The following HMCN1 variants were observed in gnomAD, a reference collection of about 807,000 sequenced individuals.
HMCN1 encodes the protein hemicentin-1.
In HMCN1, 321 loss-of-function variants were observed where a neutral mutation model predicts 625.9. The observed-to-expected ratio is 0.51, with a 90% CI of 0.47 to 0.56. HMCN1 has a LOEUF of 0.56. HMCN1 is among the 20% of genes least tolerant of loss of function. The pLI, the probability that HMCN1 is intolerant of heterozygous loss-of-function variation, is 0.00. For synonymous variants in HMCN1, 2,425 were observed against 2,417.6 expected (o/e 1.00, Z -0.09); for missense variants, 6,588 against 6,887.3 (o/e 0.96, Z 1.54).
In HMCN1 at chr1:186,139,705, A is replaced by G. The variant is rs576440814; in HGVS notation, c.13924+1733A>G. Among the ~76,000 whole-genome samples the G allele has an allele frequency of 1.6e-4, 24 of 152,172 alleles. No homozygotes were observed. The East Asian group carries it at 4.5e-3, about 28-fold the overall frequency. On this transcript the variant is annotated intron_variant, in intron 89 of 106. Coordinates refer to ENST00000271588, the MANE Select transcript of HMCN1 (RefSeq NM_031935.3). Reference sequence around the variant, plus strand: ...GTCGGTGGTGTCCTAGAGCCATTCAATGAAAGCATGTATTTCTTCCCAATA... The same window carrying G: ...GTCGGTGGTGTCCTAGAGCCATTCAGTGAAAGCATGTATTTCTTCCCAATA...
At position 185,740,908 on chromosome 1, in the gene HMCN1, C is replaced by T. The variant is rs558898574; in HGVS notation, c.268+5861C>T. On this transcript the variant is annotated intron_variant, in intron 1 of 106. Coordinates refer to ENST00000271588, the MANE Select transcript of HMCN1 (RefSeq NM_031935.3). ...TCTTGGGAGGCTGAGGCAGTAGAATCGCTCGAACCCTGGAGGTGGAGGTTA... is the reference window on the plus strand; with the variant it reads ...TCTTGGGAGGCTGAGGCAGTAGAATTGCTCGAACCCTGGAGGTGGAGGTTA... Among the ~76,000 whole-genome samples the T allele has an allele frequency of 2.7e-3, 404 of 152,174 alleles. 3 individuals are homozygous for T. The highest frequency in any genetic ancestry group is 9.1e-3 in the African/African-American group (377 of 41,520).
intron 41 of HMCN1, among the ~76,000 whole-genome samples, chr1:186,047,479 TAGTC>T (rs1237930293): frequency 2.0e-4 from 30 of 152,140 alleles, no homozygotes; most frequent in African/African-American, 6.8e-4. Context: ...CAATCCTAAT[TAGTC>T]AGTTAAAAGT....
chr1:186,055,446 C>T lies in HMCN1; in HGVS notation c.6916C>T (p.Arg2306Ter), dbSNP rs750701167. Residue 2306 changes from arginine (R) to a stop codon, truncating the protein, a stop_gained, in exon 45 of 107, where the codon CGA becomes TGA. Coordinates refer to ENST00000271588, the MANE Select transcript of HMCN1 (RefSeq NM_031935.3). LOFTEE classifies it high-confidence loss of function. ...GSHPTEIIVT[R>*]GKSISLECEV... ...CCACCCTACTGAAATTATTGTGACC[C>T]GAGGGAAGAGTATCTCCTTGGAGTG... 9 of 1,612,452 alleles carry T rather than the reference C, an allele frequency of 5.6e-6. No individual in the cohort carries two copies. The highest frequency in any genetic ancestry group is 1.3e-5 in the African/African-American group (1 of 74,754).
intron 11 of HMCN1, among the ~76,000 whole-genome samples, chr1:185,944,867 T>G (rs1244722437): frequency 6.6e-6 from 1 of 152,230 alleles, no homozygotes; most frequent in East Asian, 1.9e-4. Flanking sequence ...GCAGAGTGTT[T>G]AGGCGTAAGA....
chr1:186,150,089 C>T (rs112677910), intron 93 of HMCN1, among the ~76,000 whole-genome samples: 1,841 of 152,032 alleles, frequency 0.012, 31 homozygotes, highest in African/African-American at 0.042. Context: ...AAAATGGTAC[C>T]GGTAGACTTT....
chr1:185,889,623 T>C (rs373120743), intron 4 of HMCN1, among the ~76,000 whole-genome samples: 60 of 138,056 alleles, frequency 4.3e-4, no homozygotes, highest in Non-Finnish European at 7.8e-4. Context: ...TATTGATTTG[T>C]GTATATTGAA....
At chr1:186,079,422 C>T (rs973828734) in intron 55 of HMCN1, among the ~76,000 whole-genome samples, 11 of 152,184 alleles carry the variant, frequency 7.2e-5, no homozygotes, top group African/African-American at 2.7e-4. Flanking sequence ...CTATGCCATG[C>T]CAAACTGAGC....
chr1:185,952,273 G>A (rs2102535215), intron 11 of HMCN1, among the ~76,000 whole-genome samples: 1 of 151,896 alleles, frequency 6.6e-6, no homozygotes, highest in Non-Finnish European at 1.5e-5. Flanking sequence ...GGTGTGAGGA[G>A]GGGAGGTGAT....
At chr1:186,130,830 TA>T (rs1558246318) in intron 85 of HMCN1, 133 bp downstream of exon 85, 1 of 860,272 alleles carries the variant, frequency 1.2e-6, no homozygotes, top group East Asian at 2.6e-5. Context: ...TAACTCCTTT[TA>T]AAAAACTGAA....
chr1:185,952,473 C>T (rs1013579901), intron 11 of HMCN1, among the ~76,000 whole-genome samples: 10 of 151,526 alleles, frequency 6.6e-5, no homozygotes, highest in South Asian at 4.2e-4. Flanking sequence ...AGATTTGGGA[C>T]GAGTTGCACT....
At chr1:185,786,292 A>G (rs769494513) in intron 1 of HMCN1, among the ~76,000 whole-genome samples, 13 of 152,212 alleles carry the variant, frequency 8.5e-5, no homozygotes, top group Non-Finnish European at 1.6e-4. Context: ...ACATTTACAC[A>G]GTACATAGTC....
chr1:186,113,919 C>T, intron 72 of HMCN1, 60 bp from the exon 73 acceptor site: 1 of 1,569,724 alleles, frequency 6.4e-7, no homozygotes, highest in Non-Finnish European at 8.8e-7. Flanking sequence ...TCTTCAGGGT[C>T]TTCATGCAGG....
intron 4 of HMCN1, among the ~76,000 whole-genome samples, chr1:185,867,615 G>A (rs1411345056): frequency 2.0e-5 from 3 of 152,132 alleles, no homozygotes; most frequent in Non-Finnish European, 4.4e-5. Context: ...CAGAGATAGA[G>A]TGTTGGGGCC....
At chr1:185,782,085 C>T (rs1216371105) in intron 1 of HMCN1, among the ~76,000 whole-genome samples, 1 of 152,164 alleles carries the variant, frequency 6.6e-6, no homozygotes, top group Non-Finnish European at 1.5e-5. Context: ...GAATTGATCC[C>T]TTTACCATTA....
At chr1:186,139,252 A>C (rs527890823) in intron 89 of HMCN1, among the ~76,000 whole-genome samples, 1 of 152,244 alleles carries the variant, frequency 6.6e-6, no homozygotes, top group Admixed American at 6.5e-5. Flanking sequence ...TATGAAGCTT[A>C]TTTAAATCGT....
intron 69 of HMCN1, 35 bp downstream of exon 69, chr1:186,103,703 A>G (rs1285820839): frequency 6.4e-7 from 1 of 1,562,142 alleles, no homozygotes. Flanking sequence ...ATTTTAGGTT[A>G]GGTCAAACTT....
chr1:185,905,479 A>G (rs1666045976), intron 4 of HMCN1, among the ~76,000 whole-genome samples: 1 of 151,726 alleles, frequency 6.6e-6, no homozygotes, highest in Non-Finnish European at 1.5e-5. Context: ...ACCTCACCAT[A>G]CTTCCCCTTT....
intron 4 of HMCN1, among the ~76,000 whole-genome samples, chr1:185,894,815 G>T (rs1277068485): frequency 6.6e-6 from 1 of 152,140 alleles, no homozygotes; most frequent in Non-Finnish European, 1.5e-5. Flanking sequence ...TTTAGATTGA[G>T]CTATAGGATT....
At chr1:185,788,122 A>T (rs963988724) in intron 1 of HMCN1, among the ~76,000 whole-genome samples, 8 of 152,220 alleles carry the variant, frequency 5.3e-5, no homozygotes, top group Admixed American at 5.2e-4. Flanking sequence ...TGAGTTTGAA[A>T]TGTATGCTAT....
Sources: allele counts gnomAD v4.1 joint callset (sites outside exome capture counted in the v4.1 genomes callset), GRCh38; gene constraint gnomAD v4.1.1; transcripts MANE v1.5; gene names NCBI Gene and HGNC (gene_info 2026-07-23, HGNC 2026-07-21).